The following MEGF8 variants were observed in gnomAD, a reference collection of about 807,000 sequenced individuals.
The protein encoded by MEGF8 is multiple EGF like domains 8, also known as multiple epidermal growth factor-like domains protein 8.
MEGF8 carries 156 observed loss-of-function variants against 302.9 expected under a neutral mutation model. The observed-to-expected ratio is 0.52, with a 90% CI of 0.45 to 0.59. MEGF8 has a LOEUF of 0.59. Among genes scored for constraint, MEGF8 ranks in the 20% least tolerant of loss-of-function variants. The pLI is 0.00. For synonymous variants in MEGF8, 1,621 were observed against 1,660.5 expected (o/e 0.98, Z 0.58); for missense variants, 3,345 against 3,964.5 (o/e 0.84, Z 4.20).
At chr19:42,350,545 G>C (rs2039353484) in intron 15 of MEGF8, among the ~76,000 whole-genome samples, 161 bp downstream of exon 15, 1 of 152,196 alleles carries the variant, frequency 6.6e-6, no homozygotes, top group Non-Finnish European at 1.5e-5. Flanking sequence ...GCTGTAGAGA[G>C]AGGCACCTGG....
intron 1 of MEGF8, among the ~76,000 whole-genome samples, chr19:42,326,736 C>T (rs2038989166): frequency 7.3e-6 from 1 of 137,574 alleles, no homozygotes; most frequent in Non-Finnish European, 1.5e-5. Context: ...TCTACTACTA[C>T]TACTTTTTTT....
Position 42,336,360 on chromosome 19 carries a change from C to A in MEGF8, c.1244+14C>A. Reference sequence around the variant, plus strand: ...CTCCACTGCCCGGTAAGTGACCTGTCCCATAACCCATGCTCCACAGGCCAG... The same window carrying A: ...CTCCACTGCCCGGTAAGTGACCTGTACCATAACCCATGCTCCACAGGCCAG... On this transcript the variant is annotated intron_variant, in intron 6 of 41. Coordinates refer to ENST00000251268, the MANE Select transcript of MEGF8 (RefSeq NM_001271938.2). This position sits in a 1 kb window ranked among gnomAD's most constrained non-coding sequence, Gnocchi z 4.8. 1 of 1,572,970 alleles carries A rather than the reference C, an allele frequency of 6.4e-7. No homozygotes were observed. The highest frequency in any genetic ancestry group is 8.6e-7 in the Non-Finnish European group (1 of 1,160,330).
intron 5 of MEGF8, among the ~76,000 whole-genome samples, 188 bp downstream of exon 5, chr19:42,335,573 C>T (rs1430154726): frequency 1.3e-5 from 2 of 152,106 alleles, no homozygotes. Context: ...CTTTATCTGC[C>T]TTTGTGCATC....
Position 42,352,959 on chromosome 19 carries a change from A to G in MEGF8, c.3382A>G (p.Ser1128Gly), listed in dbSNP as rs747469147. The change falls in exon 20 of 42, where the codon AGT becomes GGT. Residue 1128 changes from serine (S) to glycine (G), a missense_variant. By Grantham distance (56) the Ser-to-Gly change is moderately conservative (BLOSUM62 0). Transcript: ENST00000251268. This position sits in a 1 kb window ranked among gnomAD's most constrained non-coding sequence, Gnocchi z 4.4. ...CLEDCGHGVC[S>G]GPPDFTCVCD... ...GGAGGACTGTGGCCATGGTGTGTGC[A>G]GTGGCCCCCCGGACTTTACCTGCGT... 2 of 1,601,738 alleles carry G rather than the reference A, an allele frequency of 1.2e-6. No individual in the cohort carries two copies. The highest frequency in any genetic ancestry group is 1.7e-6 in the Non-Finnish European group (2 of 1,174,976).
Position 42,353,993 on chromosome 19 carries a change from CCTT to C in MEGF8, c.3983_3985del (p.Phe1328del). The C allele has an allele frequency of 6.3e-7, 1 of 1,585,072 alleles. No homozygotes were observed. Among genetic ancestry groups the C allele is most frequent in the African/African-American group, 1.4e-5 (1 of 74,064 alleles). ...ACCCTCTGTCCCCCACTCACCCTCA[CCTT>C]CTCCCCCGACAGCAGCACCCCCTGC... On this transcript the variant is annotated inframe_deletion, in exon 22 of 42. Transcript: ENST00000251268. The surrounding 1 kb of genome is among the most constrained non-coding windows in gnomAD (Gnocchi z 6.1).
chr19:42,362,474 C>G lies in MEGF8; in HGVS notation c.5935C>G (p.Arg1979Gly). The G allele has an allele frequency of 1.2e-6, 2 of 1,613,970 alleles. No homozygotes were observed. Among genetic ancestry groups the G allele is most frequent in the Non-Finnish European group, 1.7e-6 (2 of 1,179,898 alleles). Residue 1979 changes from arginine to glycine, a missense_variant, in exon 34 of 42, where the codon CGG (arginine) becomes GGG (glycine). Transcript: ENST00000251268. Reference protein sequence around the residue: ...NGSCTSENDCRINQREVFWAG... With the variant: ...NGSCTSENDCGINQREVFWAG... ...GTCCTGCACCTCTGAGAATGACTGT[C>G]GGATCAACCAGCGAGAGGTCTTCTG... is the stretch of plus-strand genomic sequence containing the variant.
chr19:42,337,506 CTTTTT>C (rs908319656), intron 8 of MEGF8, among the ~76,000 whole-genome samples: 1 of 135,840 alleles, frequency 7.4e-6, no homozygotes. Flanking sequence ...CTTTTCTTTT[CTTTTT>C]TTTTTTTTTT....
chr19:42,370,392 G>C lies in MEGF8; in HGVS notation c.7005+33G>C, dbSNP rs1191765847. On this transcript the variant is annotated intron_variant, in intron 39 of 41. Transcript: ENST00000251268. ...AGAGGGGTCAGATGCCTGGGTCTGA[G>C]GGAGGAGGGGCTGGGGAGCTCCTGG... 2.0e-6 allele frequency: 3 copies of C among 1,530,050 alleles called. No homozygotes were observed. In the East Asian group the frequency reaches 7.3e-5, roughly 37 times the overall value. The allele number at this position is 1,530,050 out of a possible 1,614,324, so 94.8% of individuals were successfully genotyped here. A position where few individuals can be genotyped will look rare whatever the true frequency, so the allele number is the denominator to read the frequency against.
chr19:42,374,776 TAGAC>T (rs1411806870), intron 41 of MEGF8, among the ~76,000 whole-genome samples: 2 of 152,170 alleles, frequency 1.3e-5, no homozygotes, highest in East Asian at 3.8e-4. Flanking sequence ...GCTCGTGTGT[TAGAC>T]AGCGAGGAGC....
chr19:42,332,601 C>T (rs531765873), intron 1 of MEGF8, among the ~76,000 whole-genome samples: 3 of 152,086 alleles, frequency 2.0e-5, no homozygotes, highest in South Asian at 4.2e-4. Flanking sequence ...CTCCTGTCCT[C>T]GTGATCCGCC....
At chr19:42,327,023 G>T (rs2038993541) in intron 1 of MEGF8, among the ~76,000 whole-genome samples, 1 of 152,118 alleles carries the variant, frequency 6.6e-6, no homozygotes, top group South Asian at 2.1e-4. Flanking sequence ...TTAGCTTTGT[G>T]ACTTTGAGCA....
At chr19:42,373,706 GTTTTTTTTTTTTTT>G (rs750576656) in intron 41 of MEGF8, among the ~76,000 whole-genome samples, 2 of 100,988 alleles carry the variant, frequency 2.0e-5, no homozygotes, top group African/African-American at 7.4e-5. Context: ...GGGCTTTTGG[GTTTTTTTTTTTTTT>G]TTTTTTTTTT....
chr19:42,356,483 G>A lies in MEGF8; in HGVS notation c.4622+30G>A, dbSNP rs756164854. The A allele has an allele frequency of 1.3e-5, 19 of 1,510,982 alleles. No individual in the cohort carries two copies. The highest frequency in any genetic ancestry group is 1.8e-4 in the Middle Eastern group (1 of 5,712). The allele number at this position is 1,510,982 out of a possible 1,614,324, so 93.6% of individuals were successfully genotyped here. Reference sequence around the variant, plus strand: ...GGACTGCCCTGGGCAGGTGGGATTCGCAAATAAGAGAAGGTCACCTCGGGA... The same window carrying A: ...GGACTGCCCTGGGCAGGTGGGATTCACAAATAAGAGAAGGTCACCTCGGGA... On this transcript the variant is annotated intron_variant, in intron 26 of 41. Coordinates refer to ENST00000251268, the MANE Select transcript of MEGF8 (RefSeq NM_001271938.2). The surrounding 1 kb of genome is among the most constrained non-coding windows in gnomAD (Gnocchi z 5.2).
intron 12 of MEGF8, among the ~76,000 whole-genome samples, chr19:42,347,595 C>T (rs1335829082): frequency 1.3e-5 from 2 of 151,872 alleles, no homozygotes; most frequent in African/African-American, 2.4e-5. Context: ...CGGGTTTGAA[C>T]GATTCTCCTG....
At chr19:42,343,914 G>C in intron 9 of MEGF8, 40 bp from the exon 10 acceptor site, 1 of 1,600,222 alleles carries the variant, frequency 6.2e-7, no homozygotes, top group Non-Finnish European at 8.5e-7. Context: ...CTCCTCCTCC[G>C]TCCCCTTGCC....
rs553115010 is a variant in MEGF8 at position 42,377,965 on chromosome 19, A to C, written c.*1190A>C. 1.3e-5 allele frequency: 2 copies of C among 151,990 alleles called. No homozygotes were observed. The highest frequency in any genetic ancestry group is 4.2e-4 in the South Asian group (2 of 4,802). 9.4% of individuals were successfully genotyped at this position (151,990 alleles called of 1,614,324 possible). On this transcript the variant is annotated 3_prime_UTR_variant, in exon 42 of 42. Transcript: ENST00000251268. ...GATGGTGTGGATGTCAGGGTGAGGG[A>C]GGAGACAAAACCACGATGACCCCTA...
Position 42,358,697 on chromosome 19 carries a change from C to G in MEGF8, c.5176-90C>G. 1 of 1,414,970 alleles carries G rather than the reference C, an allele frequency of 7.1e-7. No individual in the cohort carries two copies. 87.7% of individuals were successfully genotyped at this position (1,414,970 alleles called of 1,614,324 possible). On this transcript the variant is annotated intron_variant, in intron 29 of 41. Coordinates refer to ENST00000251268, the MANE Select transcript of MEGF8 (RefSeq NM_001271938.2). The surrounding 1 kb of genome is among the most constrained non-coding windows in gnomAD (Gnocchi z 4.4). ...GGTTAGAGAGGCTGGTGGTTTCAGT[C>G]CACACGTTTCCAAGCCCGTCTTGGA...
At position 42,335,936 on chromosome 19, in the gene MEGF8, C is replaced by G; in HGVS notation, c.834C>G (p.Ala278=). The stretch of plus-strand genomic sequence containing the variant: ...CTCTTTTCTCTTCCTCACAGGCTGC[C>G]CGTCACTCCCATGTGGCCGTGGCCT... The part of the protein sequence containing the change: ...ESWDLSPAPA[A]RHSHVAVAWA... The change falls in exon 6 of 42, where the codon GCC becomes GCG. Residue 278 remains alanine (A), a synonymous_variant. Coordinates refer to ENST00000251268, the MANE Select transcript of MEGF8 (RefSeq NM_001271938.2). The G allele has an allele frequency of 6.8e-7, 1 of 1,467,056 alleles. No homozygotes were observed. 90.9% of individuals were successfully genotyped at this position (1,467,056 alleles called of 1,614,324 possible).
At chr19:42,362,281 T>A in intron 33 of MEGF8, 68 bp downstream of exon 33, 1 of 1,609,344 alleles carries the variant, frequency 6.2e-7, no homozygotes, top group Non-Finnish European at 8.5e-7. Context: ...GTCTCCACTC[T>A]GGTCAGCTGT....
Sources: gnomAD v4.1 joint callset for allele counts (sites outside exome capture counted in the v4.1 genomes callset) on GRCh38, gnomAD v4.1.1 for gene constraint, Gnocchi (gnomAD v3.1) non-coding constraint, MANE v1.5 for transcripts, NCBI Gene and HGNC (gene_info 2026-07-23, HGNC 2026-07-21) for gene names.